ENOSF1: variants seen among roughly 807,000 people sequenced by gnomAD.
ENOSF1 encodes the protein mitochondrial enolase superfamily member 1.
ENOSF1 carries 73 observed loss-of-function variants against 68.2 expected under a neutral mutation model. That is an observed-to-expected ratio of 1.07 (90% confidence interval 0.89 to 1.30). The LOEUF is 1.30. Ranked by LOEUF, ENOSF1 falls within the 50% of genes most tolerant of loss-of-function variation. The probability of loss-of-function intolerance (pLI) is 0.00; values close to 1 mark genes in which losing one functional copy is unlikely to be tolerated. For synonymous variants in ENOSF1, 223 were observed against 210.4 expected (o/e 1.06, Z -0.52); for missense variants, 589 against 554.5 (o/e 1.06, Z -0.62).
chr18:704,289 C>T (rs1036087405), intron 2 of ENOSF1, among the ~76,000 whole-genome samples: 4 of 151,488 alleles, frequency 2.6e-5, no homozygotes, highest in East Asian at 2.0e-4. Flanking sequence ...ACTAGCCGGG[C>T]GTGGTGGTGT....
chr18:706,109 G>A (rs188476331), intron 2 of ENOSF1, among the ~76,000 whole-genome samples: 6 of 152,060 alleles, frequency 3.9e-5, no homozygotes, highest in Non-Finnish European at 8.8e-5. Context: ...CCCTCTCATT[G>A]CCCTTGGTTA....
chr18:693,162 C>A, intron 5 of ENOSF1: 1 of 1,289,122 alleles, frequency 7.8e-7, no homozygotes, highest in Non-Finnish European at 1.0e-6. Flanking sequence ...TCCTCAGCAT[C>A]CAGTTGTTCA....
In ENOSF1 at chr18:678,744, A is replaced by G. The variant is rs765346155; in HGVS notation, c.877-7T>C. 1.9e-6 allele frequency: 3 copies of G among 1,614,160 alleles called. No homozygotes were observed. In the South Asian group the frequency reaches 3.3e-5, roughly 18 times the overall value. On this transcript the variant is annotated splice_polypyrimidine_tract_variant and splice_region_variant and intron_variant, in intron 11 of 15. Transcript: ENST00000647584. ...TTCCTAATGGGACCAGTGCCTATAA[A>G]ATAGAAGGCAGCCTGGTGTTATTTT...
intron 1 of ENOSF1, among the ~76,000 whole-genome samples, chr18:709,431 C>T (rs574245607): frequency 1.3e-5 from 2 of 152,140 alleles, no homozygotes; most frequent in East Asian, 3.9e-4. Flanking sequence ...GGAGAAATAA[C>T]AAGGGCAATT....
Position 671,643 on chromosome 18 carries a change from TTAACA to T in ENOSF1, c.*2657_*2661del, listed in dbSNP as rs1471780864. On this transcript the variant is annotated 3_prime_UTR_variant, in exon 16 of 16. Transcript: ENST00000647584. Reference sequence around the variant, plus strand: ...CATCTGCCTCAGCAACCATGGGCACTTAACATGTCAGGTGCTGTGAGGTACTAAGC... The same window carrying T: ...CATCTGCCTCAGCAACCATGGGCACTTGTCAGGTGCTGTGAGGTACTAAGC... 13 of 615,682 alleles carry T rather than the reference TTAACA, an allele frequency of 2.1e-5. No homozygotes were observed. In the African/African-American group the frequency reaches 2.2e-4, roughly 11 times the overall value. 38.1% of individuals were successfully genotyped at this position (615,682 alleles called of 1,614,324 possible).
chr18:699,324 C>T (rs948816666), intron 2 of ENOSF1, among the ~76,000 whole-genome samples: 17 of 151,688 alleles, frequency 1.1e-4, no homozygotes, highest in African/African-American at 3.9e-4. Context: ...TAGCCGGTTG[C>T]GGTGGTGCGC....
At chr18:680,568 G>A (rs975553359) in intron 11 of ENOSF1, among the ~76,000 whole-genome samples, 2 of 151,760 alleles carry the variant, frequency 1.3e-5, no homozygotes, top group African/African-American at 4.8e-5. Flanking sequence ...TCCCTGCCTG[G>A]GTTTCTCCCT....
chr18:709,693 T>C (rs1029761842), intron 1 of ENOSF1, among the ~76,000 whole-genome samples: 6 of 151,850 alleles, frequency 4.0e-5, no homozygotes, highest in Admixed American at 2.0e-4. Flanking sequence ...ATCATTTGCA[T>C]ATGGGAGGCA....
downstream of ENOSF1, chr18:669,043 C>T: frequency 6.4e-7 from 1 of 1,568,502 alleles, no homozygotes. Flanking sequence ...AATGTATGTA[C>T]CTGTCCTCTC....
intron 2 of ENOSF1, among the ~76,000 whole-genome samples, chr18:700,385 G>A (rs1052157489): frequency 2.0e-5 from 3 of 152,264 alleles, no homozygotes; most frequent in African/African-American, 7.2e-5. Flanking sequence ...CCAAACCACC[G>A]TCTCAAGGAT....
intron 1 of ENOSF1, among the ~76,000 whole-genome samples, chr18:710,088 AT>A (rs902883155): frequency 6.6e-6 from 1 of 152,118 alleles, no homozygotes; most frequent in African/African-American, 2.4e-5. Flanking sequence ...GGCAAATTCC[AT>A]TTCTTGAATT....
At chr18:699,108 C>A (rs993542282) in intron 2 of ENOSF1, among the ~76,000 whole-genome samples, 2 of 152,162 alleles carry the variant, frequency 1.3e-5, no homozygotes. Context: ...AATCCTCCCA[C>A]CTCGGCCTCC....
At chr18:681,231 G>A (rs1464241844) in intron 11 of ENOSF1, among the ~76,000 whole-genome samples, 1 of 152,172 alleles carries the variant, frequency 6.6e-6, no homozygotes, top group Non-Finnish European at 1.5e-5. Flanking sequence ...TGAGTGGACA[G>A]ACCCCATAAT....
downstream of ENOSF1, among the ~76,000 whole-genome samples, chr18:666,933 T>TGATGGTGATGGCGATGGA (rs2074834441): frequency 2.1e-5 from 1 of 47,788 alleles, no homozygotes; most frequent in African/African-American, 7.7e-5. Context: ...ATGGTGATGG[T>TGATGGTGATGGCGATGGA]GATGGAGATG....
intron 1 of ENOSF1, among the ~76,000 whole-genome samples, chr18:709,649 T>A (rs2079302779): frequency 6.6e-6 from 1 of 151,770 alleles, no homozygotes; most frequent in African/African-American, 2.4e-5. Flanking sequence ...TGCACACCTG[T>A]AATCACAGCT....
chr18:683,654 G>T (rs1568041391), intron 10 of ENOSF1, among the ~76,000 whole-genome samples: 2 of 152,124 alleles, frequency 1.3e-5, no homozygotes, highest in Non-Finnish European at 1.5e-5. Flanking sequence ...GCTGGGCCAT[G>T]AGAAGTGCTC....
chr18:667,410 GGT>G (rs1208815595), downstream of ENOSF1, among the ~76,000 whole-genome samples: 1 of 4,882 alleles, frequency 2.0e-4, no homozygotes, highest in Non-Finnish European at 4.7e-4. Context: ...TGATGGTGAT[GGT>G]GATGGTGATG....
chr18:693,813 A>C, intron 5 of ENOSF1, 69 bp downstream of exon 5: 1 of 1,606,376 alleles, frequency 6.2e-7, no homozygotes, highest in Non-Finnish European at 8.5e-7. Flanking sequence ...ACTGATCATC[A>C]AAAGGCATGT....
In ENOSF1 at chr18:691,205, T is replaced by C. The variant is rs1285425944; in HGVS notation, c.495A>G (p.Leu165=). 1.2e-5 allele frequency: 20 copies of C among 1,614,130 alleles called. No homozygotes were observed. The East Asian group carries it at 4.5e-4, about 36-fold the overall frequency. ...ATCCCAGAAAGCTTCCAAACTCACCTAGGGCATCCTCCTCAGTCAGGACAT... is the reference window on the plus strand; with the variant it reads ...ATCCCAGAAAGCTTCCAAACTCACCCAGGGCATCCTCCTCAGTCAGGACAT... ...ITDVLTEEDA[L]EILQKGQIGK... is the part of the protein sequence containing the mutation. The change falls in exon 6 of 16, where the codon CTA becomes CTG. Residue 165 remains leucine, a splice_region_variant and synonymous_variant. Transcript: ENST00000647584.
Sources: gnomAD v4.1 joint callset for allele counts (sites outside exome capture counted in the v4.1 genomes callset) on GRCh38, gnomAD v4.1.1 for gene constraint, MANE v1.5 for transcripts, NCBI Gene and HGNC (gene_info 2026-07-23, HGNC 2026-07-21) for gene names.